FILIP1: variants seen among roughly 807,000 people sequenced by gnomAD.
The protein encoded by FILIP1 is filamin-A-interacting protein 1.
FILIP1 carries 61 observed loss-of-function variants against 102.1 expected under a neutral mutation model. The ratio of observed to expected loss-of-function variants is 0.60; its 90% CI spans 0.49 to 0.74. The LOEUF (loss-of-function observed/expected upper bound fraction) is 0.74, where lower values mean the gene tolerates loss of function less well. Ranked by LOEUF, FILIP1 falls within the 30% of genes least tolerant of loss-of-function variation. The pLI is 0.00. For synonymous variants in FILIP1, 491 were observed against 526.9 expected (o/e 0.93, Z 0.93); for missense variants, 1,314 against 1,441.2 (o/e 0.91, Z 1.43).
At chr6:75,462,045 A>C (rs1779038212) in intron 1 of FILIP1, among the ~76,000 whole-genome samples, 1 of 151,838 alleles carries the variant, frequency 6.6e-6, no homozygotes, top group Non-Finnish European at 1.5e-5. Flanking sequence ...GTGTGTCTTC[A>C]CCTCTCTTCC....
At position 75,312,960 on chromosome 6, in the gene FILIP1, G is replaced by C. The variant is rs902155548; in HGVS notation, c.2872C>G (p.Pro958Ala). ...TTTTGTTTTTGAGGCATAACGTTTGGTGATGGAATAATGGTTATTCTTGGT... is the reference window on the plus strand; with the variant it reads ...TTTTGTTTTTGAGGCATAACGTTTGCTGATGGAATAATGGTTATTCTTGGT... The part of the protein sequence containing the change: ...QKPRITIIPS[P>A]NVMPQKQKSG... Residue 958 changes from proline (P) to alanine (A), a missense_variant, in exon 5 of 6, where the codon CCA becomes GCA. This residue lies in a region of FILIP1 where 816 missense variants were observed against 913.1 expected (regional missense o/e 0.89). Coordinates refer to ENST00000237172, the MANE Select transcript of FILIP1 (RefSeq NM_015687.5). 6.2e-6 allele frequency: 10 copies of C among 1,614,160 alleles called. No homozygotes were observed. The highest frequency in any genetic ancestry group is 1.1e-5 in the South Asian group (1 of 91,078).
chr6:75,455,023 T>G (rs1333552766), intron 1 of FILIP1: 1 of 150,190 alleles, frequency 6.7e-6, no homozygotes, highest in African/African-American at 2.5e-5. Context: ...GTGGGAGCAT[T>G]AGAAAGAAAG....
intron 2 of FILIP1, among the ~76,000 whole-genome samples, chr6:75,413,861 C>T (rs1332987361): frequency 6.7e-6 from 1 of 150,284 alleles, no homozygotes; most frequent in Non-Finnish European, 1.5e-5. Context: ...GAAGAATCCT[C>T]ACTTCCTGCC....
intron 1 of FILIP1, among the ~76,000 whole-genome samples, chr6:75,429,152 A>T (rs555534228): frequency 5.6e-4 from 85 of 152,262 alleles, no homozygotes; most frequent in African/African-American, 1.9e-3. Flanking sequence ...TCATGTTTCA[A>T]TTTAGAAAAA....
downstream of FILIP1, among the ~76,000 whole-genome samples, chr6:75,306,433 G>A (rs1324001011): frequency 6.6e-6 from 1 of 152,160 alleles, no homozygotes; most frequent in Non-Finnish European, 1.5e-5. Context: ...GAGTCAAAAG[G>A]AATGCGGTGT....
intron 1 of FILIP1, among the ~76,000 whole-genome samples, chr6:75,492,814 G>A (rs189601199): frequency 3.3e-5 from 5 of 152,302 alleles, no homozygotes; most frequent in African/African-American, 1.2e-4. Flanking sequence ...AACTTCAAGA[G>A]TAGTGATTTA....
At chr6:75,343,789 T>C (rs144575988) in intron 4 of FILIP1, among the ~76,000 whole-genome samples, 2 of 152,328 alleles carry the variant, frequency 1.3e-5, no homozygotes, top group African/African-American at 2.4e-5. Flanking sequence ...TATTGCACTA[T>C]AATACATTTT....
At chr6:75,427,021 T>C (rs139178671) in intron 1 of FILIP1, among the ~76,000 whole-genome samples, 97 of 152,172 alleles carry the variant, frequency 6.4e-4, no homozygotes, top group African/African-American at 2.2e-3. Flanking sequence ...GCTAGCAAAC[T>C]TCCCTCCCAC....
At chr6:75,468,934 T>C (rs932757783) in intron 1 of FILIP1, among the ~76,000 whole-genome samples, 1 of 152,054 alleles carries the variant, frequency 6.6e-6, no homozygotes, top group Non-Finnish European at 1.5e-5. Flanking sequence ...TGCAATTTTA[T>C]ATCCAACCAA....
At position 75,414,695 on chromosome 6, in the gene FILIP1, A is replaced by G. The variant is rs201441263; in HGVS notation, c.276+2T>C. On this transcript the variant is annotated splice_donor_variant, in intron 2 of 5. Coordinates refer to ENST00000237172, the MANE Select transcript of FILIP1 (RefSeq NM_015687.5). LOFTEE classifies it high-confidence loss of function. ...ATAACAGTTGGGAAAGTTTGACTCT[A>G]CCTGCAACTCCCCTTCCATTATACT... The G allele has an allele frequency of 6.2e-7, 1 of 1,610,018 alleles. No individual in the cohort carries two copies. The highest frequency in any genetic ancestry group is 8.5e-7 in the Non-Finnish European group (1 of 1,177,780).
At chr6:75,333,624 C>T (rs1041374318) in intron 4 of FILIP1, among the ~76,000 whole-genome samples, 3 of 152,080 alleles carry the variant, frequency 2.0e-5, no homozygotes, top group Admixed American at 6.6e-5. Flanking sequence ...TAAATCTACA[C>T]AAATGAAAAC....
intron 2 of FILIP1, among the ~76,000 whole-genome samples, chr6:75,363,745 T>C (rs1775240501): frequency 6.6e-6 from 1 of 152,230 alleles, no homozygotes; most frequent in African/African-American, 2.4e-5. Context: ...GAGCTGACAT[T>C]TGCTGAATGT....
At chr6:75,475,329 A>C (rs907806759) in intron 1 of FILIP1, among the ~76,000 whole-genome samples, 1 of 152,184 alleles carries the variant, frequency 6.6e-6, no homozygotes, top group Non-Finnish European at 1.5e-5. Context: ...CCACAAGGAA[A>C]TATTTATTTC....
chr6:75,334,499 A>G (rs143323836), intron 4 of FILIP1: 1 of 152,288 alleles, frequency 6.6e-6, no homozygotes, highest in African/African-American at 2.4e-5. Context: ...GGCTCTACAA[A>G]TGTCCAAACC....
chr6:75,293,377 T>A (rs756273636), exon 7 of FILIP1: 1 of 152,226 alleles, frequency 6.6e-6, no homozygotes, highest in Non-Finnish European at 1.5e-5. Context: ...TATGATCTTA[T>A]TTCCTTATTC....
intron 1 of FILIP1, among the ~76,000 whole-genome samples, chr6:75,443,016 T>C (rs1487611098): frequency 6.6e-6 from 1 of 152,190 alleles, no homozygotes; most frequent in Non-Finnish European, 1.5e-5. Context: ...CAGTGAAAAA[T>C]CTTGGAGTGA....
chr6:75,291,870 G>T (rs1248725541), exon 7 of FILIP1: 1 of 152,174 alleles, frequency 6.6e-6, no homozygotes, highest in Non-Finnish European at 1.5e-5. Context: ...CATTTTAAAT[G>T]ATTTTAATTT....
Position 75,450,389 on chromosome 6 carries a change from C to T in FILIP1, c.-6-35411G>A, listed in dbSNP as rs180774495. ...AGAGGCCAAGTGAAGTGTCTCGCAC[C>T]GGTAATTAACATTTTGGGAGGCCAA... On this transcript the variant is annotated intron_variant, in intron 1 of 5. Transcript: ENST00000237172. 9.2e-5 allele frequency among the ~76,000 whole-genome samples: 14 copies of T among 152,042 alleles called. No homozygotes were observed. In the East Asian group the frequency reaches 1.4e-3, roughly 15 times the overall value.
intron 1 of FILIP1, among the ~76,000 whole-genome samples, chr6:75,470,244 G>A (rs1779292497): frequency 1.3e-5 from 2 of 152,056 alleles, no homozygotes; most frequent in South Asian, 2.1e-4. Flanking sequence ...AAAAATCAAC[G>A]ACTTTTCTAT....
Sources: allele counts gnomAD v4.1 joint callset (sites outside exome capture counted in the v4.1 genomes callset), GRCh38; gene constraint gnomAD v4.1.1; regional missense constraint gnomAD v4.1.1; transcripts MANE v1.5; gene names NCBI Gene and HGNC (gene_info 2026-07-23, HGNC 2026-07-21).